Variants in PARD3B observed in about 807,000 individuals in gnomAD.
PARD3B encodes par-3 family cell polarity regulator beta, also known as partitioning defective 3 homolog B.
Under a neutral mutation model 130.2 loss-of-function variants are expected in PARD3B, and 103 were observed. The ratio of observed to expected loss-of-function variants is 0.79; its 90% CI spans 0.67 to 0.93. The LOEUF is 0.93. Ranked by LOEUF, PARD3B falls within the 40% of genes least tolerant of loss-of-function variation. The probability of loss-of-function intolerance (pLI) is 0.00; values close to 1 mark genes in which losing one functional copy is unlikely to be tolerated. For missense variants in PARD3B, 1,609 were observed against 1,499.2 expected, an observed-to-expected ratio of 1.07 and a Z score of -1.21; for synonymous variants, 583 against 553.2, an observed-to-expected ratio of 1.05 and a Z score of -0.76.
intron 18 of PARD3B, among the ~76,000 whole-genome samples, chr2:205,395,978 C>T (rs1175372845): frequency 6.6e-6 from 1 of 152,162 alleles, no homozygotes; most frequent in Non-Finnish European, 1.5e-5. Context: ...TCACACCTGT[C>T]CCCATTGGCT....
intron 2 of PARD3B, among the ~76,000 whole-genome samples, chr2:204,770,444 A>C (rs1343176577): frequency 6.7e-6 from 1 of 149,914 alleles, no homozygotes; most frequent in Non-Finnish European, 1.5e-5. Flanking sequence ...ATTTTGGAAT[A>C]GGTGTGGTGT....
At chr2:205,075,995 T>C (rs551241020) in intron 4 of PARD3B, among the ~76,000 whole-genome samples, 1 of 152,278 alleles carries the variant, frequency 6.6e-6, no homozygotes, top group East Asian at 1.9e-4. Context: ...ATTACAACTA[T>C]TTTATAATTA....
chr2:204,772,946 A>G (rs751342299), intron 2 of PARD3B, among the ~76,000 whole-genome samples: 1 of 151,854 alleles, frequency 6.6e-6, no homozygotes, highest in Non-Finnish European at 1.5e-5. Context: ...TTCTTTATAA[A>G]TTTTCTCCCT....
At position 205,440,427 on chromosome 2, in the gene PARD3B, T is replaced by C. The variant is rs1456297827; in HGVS notation, c.2799T>C (p.Tyr933=). The stretch of plus-strand genomic sequence containing the variant: ...AGCAGGCAAGAGGTCTTCTTGATTA[T>C]GCTACTGGTGCAATTGGATCAGTGT... ...REKQARGLLD[Y]ATGAIGSVYD... The change falls in exon 20 of 23, where the codon TAT becomes TAC. Residue 933 remains tyrosine, a synonymous_variant. Transcript: ENST00000406610. The surrounding 1 kb of genome is among the most constrained non-coding windows in gnomAD (Gnocchi z 4.2). 4 of 1,614,140 alleles carry C rather than the reference T, an allele frequency of 2.5e-6. No individual in the cohort carries two copies. The highest frequency in any genetic ancestry group is 3.4e-6 in the Non-Finnish European group (4 of 1,179,990).
intron 18 of PARD3B, among the ~76,000 whole-genome samples, chr2:205,396,856 A>G (rs1436520910): frequency 2.0e-5 from 3 of 152,192 alleles, no homozygotes; most frequent in Non-Finnish European, 2.9e-5. Context: ...AGGGTTCGTG[A>G]CTTTTCTCAC....
intron 1 of PARD3B, among the ~76,000 whole-genome samples, chr2:204,685,510 T>G (rs1257708229): frequency 6.6e-6 from 1 of 152,176 alleles, no homozygotes; most frequent in Non-Finnish European, 1.5e-5. Context: ...AGTAAGCAGT[T>G]TTTTAAAAAG....
chr2:205,138,721 A>T (rs1253534837), intron 10 of PARD3B, among the ~76,000 whole-genome samples: 1 of 152,228 alleles, frequency 6.6e-6, no homozygotes, highest in African/African-American at 2.4e-5. Flanking sequence ...ATCTGTATAT[A>T]TGAATGGGAA....
intron 22 of PARD3B, among the ~76,000 whole-genome samples, chr2:205,587,134 G>A (rs1314722730): frequency 6.6e-6 from 1 of 152,148 alleles, no homozygotes; most frequent in Non-Finnish European, 1.5e-5. Flanking sequence ...GTACCTTGAG[G>A]AGTCTAGTCT....
chr2:205,555,460 T>C (rs1016775520), intron 22 of PARD3B, among the ~76,000 whole-genome samples: 2 of 152,224 alleles, frequency 1.3e-5, no homozygotes, highest in African/African-American at 4.8e-5. Context: ...TTCCAACTCT[T>C]GTTTATTTTC....
chr2:205,017,747 A>G (rs17216689), intron 3 of PARD3B, among the ~76,000 whole-genome samples: 12,317 of 152,174 alleles, frequency 0.081, 598 homozygotes, highest in Non-Finnish European at 0.1. Context: ...AAATGGTCCT[A>G]TCCTCTTCCT....
Position 205,158,818 on chromosome 2 carries a change from G to A in PARD3B, c.1531G>A (p.Val511Met). The A allele has an allele frequency of 6.2e-7, 1 of 1,614,186 alleles. No homozygotes were observed. The highest frequency in any genetic ancestry group is 8.5e-7 in the Non-Finnish European group (1 of 1,180,030). The change falls in exon 11 of 23, where the codon GTG becomes ATG. Residue 511 changes from valine to methionine, a missense_variant. Coordinates refer to ENST00000406610, the MANE Select transcript of PARD3B (RefSeq NM_001302769.2). This position sits in a 1 kb window ranked among gnomAD's most constrained non-coding sequence, Gnocchi z 5.4. ...LNDSGSAGLG[V>M]SLKGNKSRET... ...TGATTCAGGTTCTGCTGGCCTCGGG[G>A]TGAGCTTAAAAGGGAACAAATCCAG... is the stretch of plus-strand genomic sequence containing the variant.
chr2:205,380,936 A>ATATAT (rs1491533640), intron 18 of PARD3B, among the ~76,000 whole-genome samples: 1 of 89,750 alleles, frequency 1.1e-5, no homozygotes, highest in African/African-American at 5.9e-5. Context: ...TATATAAAGA[A>ATATAT]TATATATAAT....
chr2:205,499,924 C>T lies in PARD3B; in HGVS notation c.3073C>T (p.Arg1025Cys), dbSNP rs752760723. 32 of 1,613,520 alleles carry T rather than the reference C, an allele frequency of 2.0e-5. No individual in the cohort carries two copies. Among genetic ancestry groups the T allele is most frequent in the South Asian group, 9.9e-5 (9 of 91,048 alleles). Residue 1025 changes from arginine to cysteine, a missense_variant, in exon 21 of 23, where the codon CGT (arginine) becomes TGT (cysteine). Transcript: ENST00000406610. The stretch of plus-strand genomic sequence containing the variant: ...CCGTCCTACGGGTGGAAGCACTGAC[C>T]GTATCCAGAAGTTGCGGAAAGAGTA... ...SGRPTGGSTD[R>C]IQKLRKEYYQ...
rs914804893 is a variant in PARD3B at position 204,966,806 on chromosome 2, A to G, written c.394+1483A>G. Among the ~76,000 whole-genome samples, 3 of 152,188 alleles carry G rather than the reference A, an allele frequency of 2.0e-5. No individual in the cohort carries two copies. In the East Asian group the frequency reaches 5.8e-4, roughly 29 times the overall value. ...GTCTACTTCTTCCATATGATTTTTGATAAGTCAGAGAAAACAATATTTATT... is the reference window on the plus strand; with the variant it reads ...GTCTACTTCTTCCATATGATTTTTGGTAAGTCAGAGAAAACAATATTTATT... On this transcript the variant is annotated intron_variant, in intron 3 of 22. Transcript: ENST00000406610.
At chr2:204,959,114 C>T (rs1337957486) in intron 2 of PARD3B, among the ~76,000 whole-genome samples, 1 of 151,974 alleles carries the variant, frequency 6.6e-6, no homozygotes, top group Admixed American at 6.6e-5. Context: ...TGTCGTGATG[C>T]TCTCCCTCCC....
At chr2:205,298,496 AT>A (rs11287551) in intron 16 of PARD3B, among the ~76,000 whole-genome samples, 122,281 of 149,886 alleles carry the variant, frequency 0.82, 50,061 homozygotes, top group South Asian at 0.88. Flanking sequence ...AATTTTTTGT[AT>A]TTTTTTTTTT....
intron 2 of PARD3B, among the ~76,000 whole-genome samples, chr2:204,862,261 G>A (rs2045240393): frequency 1.3e-5 from 2 of 152,138 alleles, no homozygotes; most frequent in South Asian, 2.1e-4. Context: ...CACAAGCCAG[G>A]CAGCCCTCAC....
chr2:205,167,877 G>A (rs1320640222), intron 11 of PARD3B, among the ~76,000 whole-genome samples: 1 of 152,164 alleles, frequency 6.6e-6, no homozygotes, highest in East Asian at 1.9e-4. Context: ...TGTAAGAAAT[G>A]AATGGGCAAA....
At chr2:204,880,961 C>G (rs1222424694) in intron 2 of PARD3B, among the ~76,000 whole-genome samples, 1 of 152,136 alleles carries the variant, frequency 6.6e-6, no homozygotes, top group Non-Finnish European at 1.5e-5. Flanking sequence ...AAGAAAAAAT[C>G]AGAGATCAGA....
Sources: gnomAD v4.1 joint callset for allele counts (sites outside exome capture counted in the v4.1 genomes callset) on GRCh38, gnomAD v4.1.1 for gene constraint, Gnocchi (gnomAD v3.1) non-coding constraint, MANE v1.5 for transcripts, NCBI Gene and HGNC (gene_info 2026-07-23, HGNC 2026-07-21) for gene names.